Variants in DENND2A observed in about 807,000 individuals in gnomAD.
The protein encoded by DENND2A is DENN domain-containing protein 2A.
In DENND2A, 53 loss-of-function variants were observed where a neutral mutation model predicts 105.3. That is an observed-to-expected ratio of 0.50 (90% confidence interval 0.40 to 0.63). The LOEUF is 0.63. Ranked by LOEUF, DENND2A falls within the 30% of genes least tolerant of loss-of-function variation. The pLI is 0.00. For missense variants in DENND2A, 1,138 were observed against 1,279.6 expected, an observed-to-expected ratio of 0.89 and a Z score of 1.69; for synonymous variants, 522 against 508.4, an observed-to-expected ratio of 1.03 and a Z score of -0.36.
At chr7:140,570,341 G>A (rs1314520182) in intron 6 of DENND2A, among the ~76,000 whole-genome samples, 2 of 152,204 alleles carry the variant, frequency 1.3e-5, no homozygotes. Context: ...CTCATGATGC[G>A]ATGGCTGCTT....
At chr7:140,573,341 A>G (rs539121119) in intron 6 of DENND2A, among the ~76,000 whole-genome samples, 44 of 152,298 alleles carry the variant, frequency 2.9e-4, no homozygotes, top group African/African-American at 1.0e-3. Context: ...ACGGATGCAT[A>G]TAGAATGTAT....
At chr7:140,592,843 C>A (rs1361684425) in intron 3 of DENND2A, among the ~76,000 whole-genome samples, 3 of 147,902 alleles carry the variant, frequency 2.0e-5, no homozygotes, top group Non-Finnish European at 4.5e-5. Context: ...GCTCAAGCGA[C>A]CCACCCACCT....
intron 3 of DENND2A, among the ~76,000 whole-genome samples, chr7:140,599,863 G>A (rs911223667): frequency 3.9e-5 from 6 of 151,996 alleles, no homozygotes; most frequent in African/African-American, 1.4e-4. Flanking sequence ...CATGCTGAGT[G>A]GGGGGTGACA....
intron 5 of DENND2A, among the ~76,000 whole-genome samples, chr7:140,583,757 T>C (rs956880782): frequency 6.8e-6 from 1 of 146,930 alleles, no homozygotes; most frequent in Non-Finnish European, 1.5e-5. Context: ...AAACCCCGTC[T>C]CTACTAAAAA....
At chr7:140,544,501 A>T in intron 14 of DENND2A, 117 bp downstream of exon 14, 2 of 1,389,152 alleles carry the variant, frequency 1.4e-6, no homozygotes, top group Non-Finnish European at 1.0e-6. Context: ...AGCCTATTCC[A>T]TCCTTATCTC....
At chr7:140,608,786 C>T (rs1799784707) in intron 1 of DENND2A, among the ~76,000 whole-genome samples, 1 of 151,978 alleles carries the variant, frequency 6.6e-6, no homozygotes, top group African/African-American at 2.4e-5. Context: ...ACTTTATAGT[C>T]TGGGATTGTG....
At chr7:140,524,283 A>G (rs886085408) in intron 16 of DENND2A, among the ~76,000 whole-genome samples, 10 of 152,358 alleles carry the variant, frequency 6.6e-5, no homozygotes, top group African/African-American at 2.2e-4. Flanking sequence ...TGTAATTACT[A>G]TAATTACTTC....
Position 140,559,091 on chromosome 7 carries a change from T to A in DENND2A, c.1889+617A>T, listed in dbSNP as rs1797508780. On this transcript the variant is annotated intron_variant, in intron 10 of 19. Transcript: ENST00000496613. The surrounding 1 kb of genome is among the most constrained non-coding windows in gnomAD (Gnocchi z 4.1). ...GTGTGAGTGCAGTGACATCTGCTCA[T>A]CTAGGGATGTGACTCGGTGAGGGAG... Among the ~76,000 whole-genome samples the A allele has an allele frequency of 6.6e-6, 1 of 152,108 alleles. No homozygotes were observed. The highest frequency in any genetic ancestry group is 2.4e-5 in the African/African-American group (1 of 41,432).
chr7:140,579,398 CTT>C (rs58295791), intron 5 of DENND2A, among the ~76,000 whole-genome samples: 43,224 of 147,386 alleles, frequency 0.29, 6,342 homozygotes, highest in Middle Eastern at 0.38. Context: ...CAAATCTTTT[CTT>C]TTTTTTTTTT....
intron 5 of DENND2A, among the ~76,000 whole-genome samples, chr7:140,579,820 A>G (rs907435102): frequency 1.3e-5 from 2 of 152,172 alleles, no homozygotes; most frequent in African/African-American, 4.8e-5. Context: ...ATACACACAC[A>G]TAAATACACA....
intron 8 of DENND2A, 67 bp from the exon 9 acceptor site, chr7:140,567,340 G>A (rs548562098): frequency 3.8e-5 from 49 of 1,279,908 alleles, no homozygotes; most frequent in Non-Finnish European, 5.2e-5. Flanking sequence ...GAGAGAGAGA[G>A]AGAGACAGAG....
At chr7:140,606,342 CTT>C (rs1174206926) in intron 1 of DENND2A, among the ~76,000 whole-genome samples, 1 of 152,100 alleles carries the variant, frequency 6.6e-6, no homozygotes, top group Non-Finnish European at 1.5e-5. Flanking sequence ...GCCTGGCCCT[CTT>C]TGCATATATC....
chr7:140,639,937 T>C (rs1801122822), intron 1 of DENND2A, among the ~76,000 whole-genome samples: 1 of 152,234 alleles, frequency 6.6e-6, no homozygotes, highest in Non-Finnish European at 1.5e-5. Context: ...AGACTTCCCC[T>C]GGGCTCCATC....
Position 140,544,656 on chromosome 7 carries a change from A to C in DENND2A, c.2289T>G (p.Leu763=), listed in dbSNP as rs1236269317. 6.2e-7 allele frequency: 1 copy of C among 1,614,090 alleles called. No homozygotes were observed. Among genetic ancestry groups the C allele is most frequent in the Admixed American group, 1.7e-5 (1 of 59,988 alleles). The part of the protein sequence containing the change: ...RHLVCVFASL[L]LERRVIFIAD... Reference sequence around the variant, plus strand: ...CAATGAAGATGACCCTCCTCTCCAGAAGCAGGGAGGCAAACACACAGACCA... The same window carrying C: ...CAATGAAGATGACCCTCCTCTCCAGCAGCAGGGAGGCAAACACACAGACCA... The change falls in exon 14 of 20, where the codon CTT becomes CTG. Residue 763 remains leucine, a synonymous_variant. Transcript: ENST00000496613.
upstream of DENND2A, among the ~76,000 whole-genome samples, chr7:140,640,959 G>T (rs555041072): frequency 7.3e-5 from 11 of 150,610 alleles, no homozygotes; most frequent in African/African-American, 2.7e-4. This position sits in a 1 kb window ranked among gnomAD's most constrained non-coding sequence, Gnocchi z 4.9. Flanking sequence ...CCTTCTGCCG[G>T]ACTCGCCCCC....
chr7:140,565,760 A>G (rs1044482449), intron 9 of DENND2A, among the ~76,000 whole-genome samples: 2 of 152,172 alleles, frequency 1.3e-5, no homozygotes, highest in African/African-American at 4.8e-5. Context: ...TGGTTAAAGC[A>G]GAGACAGGAG....
intron 1 of DENND2A, among the ~76,000 whole-genome samples, chr7:140,639,734 A>C (rs1381932495): frequency 6.6e-6 from 1 of 152,214 alleles, no homozygotes; most frequent in Non-Finnish European, 1.5e-5. Flanking sequence ...TCTGAACAGC[A>C]GCTGGAAGTC....
In DENND2A at chr7:140,555,720, G is replaced by A. The variant is rs756019527; in HGVS notation, c.1960-7C>T. On this transcript the variant is annotated splice_polypyrimidine_tract_variant and splice_region_variant and intron_variant, in intron 11 of 19. Coordinates refer to ENST00000496613, the MANE Select transcript of DENND2A (RefSeq NM_015689.5). ...GCTTCCCTTTGCCTCCAGGCTTTTC[G>A]GAGAGAAACACAAGGGAATTATGAG... 1.3e-5 allele frequency: 21 copies of A among 1,594,804 alleles called. No homozygotes were observed. The highest frequency in any genetic ancestry group is 9.0e-5 in the East Asian group (4 of 44,326).
chr7:140,581,800 G>A lies in DENND2A; in HGVS notation c.1245+3789C>T, dbSNP rs531897089. On this transcript the variant is annotated intron_variant, in intron 5 of 19. Coordinates refer to ENST00000496613, the MANE Select transcript of DENND2A (RefSeq NM_015689.5). ...GCTACAGATACAGATACAGCTGGAC[G>A]TTAAGTTCTTGTTGACATTCTCACC... is the stretch of plus-strand genomic sequence containing the variant. 1.3e-4 allele frequency among the ~76,000 whole-genome samples: 20 copies of A among 152,286 alleles called. 1 individual carries two copies. In the East Asian group the frequency reaches 2.7e-3, roughly 21 times the overall value.
Sources: allele counts gnomAD v4.1 joint callset (sites outside exome capture counted in the v4.1 genomes callset), GRCh38; gene constraint gnomAD v4.1.1; non-coding constraint Gnocchi (gnomAD v3.1); transcripts MANE v1.5; gene names NCBI Gene and HGNC (gene_info 2026-07-23, HGNC 2026-07-21).